Variants in IFT88 observed in about 807,000 individuals in gnomAD.
IFT88 encodes intraflagellar transport protein 88 homolog.
A neutral mutation model predicts 119.5 loss-of-function variants in IFT88; 74 were observed. The observed-to-expected ratio is 0.62, with a 90% confidence interval of 0.51 to 0.75. IFT88 has a LOEUF of 0.75. IFT88 is among the 30% of genes least tolerant of loss of function. The pLI, the probability that IFT88 is intolerant of heterozygous loss-of-function variation, is 0.00. For missense variants in IFT88, 961 were observed against 977.7 expected, an observed-to-expected ratio of 0.98 and a Z score of 0.23; for synonymous variants, 279 against 316.7, an observed-to-expected ratio of 0.88 and a Z score of 1.26.
chr13:20,680,773 A>T (rs2057234396), intron 24 of IFT88, among the ~76,000 whole-genome samples: 1 of 150,582 alleles, frequency 6.6e-6, no homozygotes, highest in Admixed American at 6.7e-5. Context: ...AGGTATCTTG[A>T]TGGTATCCAA....
intron 6 of IFT88, among the ~76,000 whole-genome samples, 181 bp from the exon 7 acceptor site, chr13:20,592,154 C>A (rs928620890): frequency 3.3e-5 from 5 of 152,142 alleles, no homozygotes; most frequent in African/African-American, 1.2e-4. Flanking sequence ...AAAATCTTAC[C>A]AATTTCCCAG....
At chr13:20,665,679 T>G (rs1182504088) in intron 23 of IFT88, among the ~76,000 whole-genome samples, 3 of 152,224 alleles carry the variant, frequency 2.0e-5, no homozygotes, top group Non-Finnish European at 4.4e-5. Context: ...CATTGCCCTG[T>G]GTTAGCCTCT....
chr13:20,609,079 A>G (rs1213055484), intron 13 of IFT88, among the ~76,000 whole-genome samples: 1 of 152,054 alleles, frequency 6.6e-6, no homozygotes, highest in African/African-American at 2.4e-5. Context: ...TCTAGGGAAT[A>G]TTTTGTAGTT....
chr13:20,649,584 G>GA (rs1254117907), intron 20 of IFT88, among the ~76,000 whole-genome samples: 4 of 152,020 alleles, frequency 2.6e-5, no homozygotes, highest in Non-Finnish European at 5.9e-5. Flanking sequence ...ACACCTTAAG[G>GA]AATTAGAAAA....
chr13:20,595,296 T>G (rs550570187), intron 7 of IFT88, among the ~76,000 whole-genome samples: 2 of 152,092 alleles, frequency 1.3e-5, no homozygotes, highest in Non-Finnish European at 2.9e-5. Context: ...TTTTTTATTT[T>G]TTTGAGGCAG....
chr13:20,678,547 CTCGTGCTATTG>C, intron 24 of IFT88, among the ~76,000 whole-genome samples: 1 of 152,224 alleles, frequency 6.6e-6, no homozygotes, highest in East Asian at 1.9e-4. Flanking sequence ...GCACAGGCTG[CTCGTGCTATTG>C]TTTGTGGCTT....
rs192402094 is a variant in IFT88 at position 20,650,129 on chromosome 13, T to C, written c.1950-3747T>C. ...GGTAAACACTTCCTAACTCAGTCAG[T>C]GAGGCCAGCATTATCCTTATCCTAA... On this transcript the variant is annotated intron_variant, in intron 20 of 25. Transcript: ENST00000351808. Among the ~76,000 whole-genome samples, 8 of 152,220 alleles carry C rather than the reference T, an allele frequency of 5.3e-5. No homozygotes were observed. In the East Asian group the frequency reaches 1.2e-3, roughly 22 times the overall value.
chr13:20,587,721 A>G (rs977897536), intron 3 of IFT88, among the ~76,000 whole-genome samples: 5 of 152,154 alleles, frequency 3.3e-5, no homozygotes, highest in African/African-American at 1.2e-4. Context: ...GTATGCCTCT[A>G]TCTCTAGTAA....
At chr13:20,660,070 C>T (rs991284444) in intron 22 of IFT88, among the ~76,000 whole-genome samples, 1 of 152,132 alleles carries the variant, frequency 6.6e-6, no homozygotes, top group Non-Finnish European at 1.5e-5. Context: ...TCCTTGATGT[C>T]GTGGAACTTG....
intron 13 of IFT88, among the ~76,000 whole-genome samples, chr13:20,610,915 G>T (rs1436206782): frequency 1.3e-5 from 2 of 151,992 alleles, no homozygotes; most frequent in African/African-American, 4.8e-5. Flanking sequence ...GAGGTGGGTG[G>T]ATCACTTGAT....
At chr13:20,637,572 G>C (rs1157410721) in intron 16 of IFT88, among the ~76,000 whole-genome samples, 1 of 152,198 alleles carries the variant, frequency 6.6e-6, no homozygotes, top group Non-Finnish European at 1.5e-5. Flanking sequence ...TCTTGGAGCA[G>C]GGACAGCATA....
At chr13:20,644,287 G>A (rs1464081298) in intron 19 of IFT88, among the ~76,000 whole-genome samples, 1 of 152,064 alleles carries the variant, frequency 6.6e-6, no homozygotes, top group African/African-American at 2.4e-5. Context: ...ATTACTTGAG[G>A]CCAGGAGTAT....
chr13:20,602,767 C>G (rs2139171137), intron 12 of IFT88, among the ~76,000 whole-genome samples: 1 of 151,932 alleles, frequency 6.6e-6, no homozygotes, highest in East Asian at 1.9e-4. Flanking sequence ...CCTGTAATCC[C>G]AGCTACTTGG....
At chr13:20,592,928 T>TA (rs200045891) in intron 7 of IFT88, among the ~76,000 whole-genome samples, 1,787 of 152,124 alleles carry the variant, frequency 0.012, 36 homozygotes, top group African/African-American at 0.041. Context: ...AGAATAGCCA[T>TA]ATGTATTCTG....
intron 17 of IFT88, among the ~76,000 whole-genome samples, chr13:20,640,199 A>G (rs1053499066): frequency 4.6e-5 from 7 of 152,094 alleles, no homozygotes; most frequent in Non-Finnish European, 1.0e-4. Flanking sequence ...TTTTCTTTTC[A>G]TACTCTTCTT....
rs371180374 is a variant in IFT88, at chr13:20,601,928, C to A, written c.1036C>A (p.Pro346Thr). 3.3e-6 allele frequency: 5 copies of A among 1,531,156 alleles called. No individual in the cohort carries two copies. The African/African-American group carries it at 6.8e-5, about 21-fold the overall frequency. 94.8% of individuals were successfully genotyped at this position (1,531,156 alleles called of 1,614,324 possible). ...LEIDEDKYIS[P>T]SDDPHTNLVT... ...AATTGATGAAGATAAATATATTTCA[C>A]CAAGTGTGAGTATGAAAAAGACATT... The change falls in exon 12 of 26, where the codon CCA becomes ACA. Residue 346 changes from proline (P) to threonine (T), a missense_variant. Physicochemically the swap from Pro to Thr is conservative, Grantham distance 38 (BLOSUM62 -1). Coordinates refer to ENST00000351808, the MANE Select transcript of IFT88 (RefSeq NM_006531.5).
At chr13:20,632,390 G>A (rs764037426) in intron 16 of IFT88, among the ~76,000 whole-genome samples, 3 of 152,150 alleles carry the variant, frequency 2.0e-5, no homozygotes, top group Non-Finnish European at 4.4e-5. Flanking sequence ...GGGCCCAGAT[G>A]AAGGCATGGA....
intron 1 of IFT88, chr13:20,568,014 A>T: frequency 1.4e-6 from 1 of 712,952 alleles, no homozygotes; most frequent in Non-Finnish European, 2.6e-6. Context: ...GATGAGCTTT[A>T]AAAAAAATCG....
chr13:20,660,806 A>G (rs190791110), intron 22 of IFT88, among the ~76,000 whole-genome samples: 1 of 152,252 alleles, frequency 6.6e-6, no homozygotes, highest in East Asian at 1.9e-4. Context: ...ACCTTTTTTT[A>G]GATATGTTGT....
Sources: allele counts gnomAD v4.1 joint callset (sites outside exome capture counted in the v4.1 genomes callset), GRCh38; gene constraint gnomAD v4.1.1; transcripts MANE v1.5; gene names NCBI Gene and HGNC (gene_info 2026-07-23, HGNC 2026-07-21).